The following CTNNA2 variants were observed in gnomAD, a reference collection of about 807,000 sequenced individuals.
The protein encoded by CTNNA2 is catenin alpha 2, also known as catenin alpha-2.
A neutral mutation model predicts 101.0 loss-of-function variants in CTNNA2; 42 were observed. That is an observed-to-expected ratio of 0.42 (90% confidence interval 0.32 to 0.54). CTNNA2 has a LOEUF of 0.54. Ranked by LOEUF, CTNNA2 falls within the 20% of genes least tolerant of loss-of-function variation. CTNNA2 has a pLI of 0.14. For missense variants in CTNNA2, 871 were observed against 1,223.1 expected (o/e 0.71, Z 4.29); for synonymous variants, 450 against 456.4 (o/e 0.99, Z 0.18).
intron 9 of CTNNA2, among the ~76,000 whole-genome samples, chr2:80,439,683 G>A (rs1488741527): frequency 6.6e-6 from 1 of 152,184 alleles, no homozygotes. Flanking sequence ...TTACAGGCAT[G>A]AGCCACCACG....
intron 3 of CTNNA2, among the ~76,000 whole-genome samples, chr2:79,328,238 C>T (rs761869151): frequency 1.3e-5 from 2 of 151,940 alleles, no homozygotes; most frequent in African/African-American, 2.4e-5. Context: ...AAAATGTAAG[C>T]CTGTAGGATC....
At chr2:79,319,561 T>TAA (rs66938459) in intron 3 of CTNNA2, among the ~76,000 whole-genome samples, 37,552 of 149,306 alleles carry the variant, frequency 0.25, 4,805 homozygotes, top group Middle Eastern at 0.37. Context: ...GTAATTTATT[T>TAA]AAAAAAAAAA....
chr2:79,687,421 C>T (rs1172604721), intron 2 of CTNNA2: 2 of 505,866 alleles, frequency 4.0e-6, no homozygotes, highest in Non-Finnish European at 6.9e-6. Context: ...CAGCAAAAAT[C>T]CATAAAAGGT....
At chr2:79,657,206 A>G (rs1015908572) in intron 2 of CTNNA2, among the ~76,000 whole-genome samples, 1 of 151,894 alleles carries the variant, frequency 6.6e-6, no homozygotes, top group African/African-American at 2.4e-5. Context: ...GGCACAAATT[A>G]TGGAAAATAT....
chr2:80,001,923 C>A (rs1174768505), intron 7 of CTNNA2, among the ~76,000 whole-genome samples: 1 of 152,116 alleles, frequency 6.6e-6, no homozygotes, highest in Non-Finnish European at 1.5e-5. Context: ...TTTTGCATAC[C>A]AGAGTTCTGA....
chr2:80,539,463 A>T (rs994151397), intron 9 of CTNNA2, among the ~76,000 whole-genome samples: 6 of 152,094 alleles, frequency 3.9e-5, no homozygotes, highest in Admixed American at 1.3e-4. Flanking sequence ...GTAGTGCTAA[A>T]CAGGCAATCG....
chr2:79,874,203 C>A lies in CTNNA2; in HGVS notation c.713C>A (p.Ala238Asp). ...CACCCAGATGTCGCCGCTACGAGAG[C>A]CAACCGAGATTATGTGTTCAAACAA... ...LRHPDVAATR[A>D]NRDYVFKQVQ... The change falls in exon 6 of 19, where the codon GCC becomes GAC. Residue 238 changes from alanine to aspartate, a missense_variant. Physicochemically the swap from Ala to Asp is moderately radical, Grantham distance 126. Transcript: ENST00000402739. 1 of 1,614,126 alleles carries A rather than the reference C, an allele frequency of 6.2e-7. No individual in the cohort carries two copies. Among genetic ancestry groups the A allele is most frequent in the Non-Finnish European group, 8.5e-7 (1 of 1,180,036 alleles).
intron 1 of CTNNA2, among the ~76,000 whole-genome samples, chr2:79,586,917 A>G (rs1573411949): frequency 6.6e-6 from 1 of 151,530 alleles, no homozygotes; most frequent in East Asian, 1.9e-4. Context: ...AGAACATATG[A>G]TATTTGGTTT....
intron 7 of CTNNA2, chr2:80,162,342 C>G: frequency 9.2e-7 from 1 of 1,082,254 alleles, no homozygotes; most frequent in South Asian, 2.0e-5. Flanking sequence ...AGAAATGTGA[C>G]AACTTGTAAA....
intron 7 of CTNNA2, among the ~76,000 whole-genome samples, chr2:80,157,099 A>G (rs1487461507): frequency 6.6e-6 from 1 of 152,176 alleles, no homozygotes; most frequent in Non-Finnish European, 1.5e-5. Flanking sequence ...AATAGAATGT[A>G]AACATTCTCT....
At chr2:80,245,049 C>T (rs1235913497) in intron 7 of CTNNA2, among the ~76,000 whole-genome samples, 1 of 152,184 alleles carries the variant, frequency 6.6e-6, no homozygotes, top group Non-Finnish European at 1.5e-5. Context: ...GGATTTTCCA[C>T]GCTGCTGAAC....
At chr2:79,961,724 A>G (rs1461457612) in intron 7 of CTNNA2, among the ~76,000 whole-genome samples, 1 of 148,858 alleles carries the variant, frequency 6.7e-6, no homozygotes, top group Admixed American at 6.8e-5. Flanking sequence ...CGGGAGGCTG[A>G]GGCAAGAGAA....
chr2:80,185,202 G>T (rs1467658484), intron 7 of CTNNA2, among the ~76,000 whole-genome samples: 1 of 152,194 alleles, frequency 6.6e-6, no homozygotes, highest in Non-Finnish European at 1.5e-5. Flanking sequence ...GCAGGATTTT[G>T]TCTCTTACTG....
In CTNNA2 at chr2:80,358,149, C is replaced by T. The variant is rs779606814; in HGVS notation, c.1057-35062C>T. 2.0e-4 allele frequency among the ~76,000 whole-genome samples: 31 copies of T among 151,864 alleles called. 1 individual carries two copies. Among genetic ancestry groups the T allele is most frequent in the South Asian group, 1.7e-3 (8 of 4,814 alleles). ...TACTATGAGTACCTATTCACAGGAGCGATGTGAAAATAAATTCAGTTAATG... is the reference window on the plus strand; with the variant it reads ...TACTATGAGTACCTATTCACAGGAGTGATGTGAAAATAAATTCAGTTAATG... On this transcript the variant is annotated intron_variant, in intron 7 of 18. Transcript: ENST00000402739.
At chr2:79,380,864 A>G (rs1310981109) in intron 4 of CTNNA2, among the ~76,000 whole-genome samples, 1 of 152,230 alleles carries the variant, frequency 6.6e-6, no homozygotes, top group Non-Finnish European at 1.5e-5. Context: ...ACTGCAGTCC[A>G]GTATGCCTGA....
chr2:80,040,426 A>G (rs1411988283), intron 7 of CTNNA2, among the ~76,000 whole-genome samples: 1 of 152,198 alleles, frequency 6.6e-6, no homozygotes, highest in African/African-American at 2.4e-5. Context: ...CAGCATGTTT[A>G]TGGCAGAGAC....
intron 7 of CTNNA2, among the ~76,000 whole-genome samples, chr2:79,958,180 G>T (rs1157817993): frequency 6.6e-6 from 1 of 151,956 alleles, no homozygotes; most frequent in Non-Finnish European, 1.5e-5. Flanking sequence ...CTTTTCGTTT[G>T]TCTATCAGCC....
At chr2:80,153,832 T>A (rs1169258937) in intron 7 of CTNNA2, among the ~76,000 whole-genome samples, 2 of 152,208 alleles carry the variant, frequency 1.3e-5, no homozygotes, top group Non-Finnish European at 2.9e-5. Flanking sequence ...ATTGGAGGAA[T>A]GAATAGTAGT....
intron 7 of CTNNA2, among the ~76,000 whole-genome samples, chr2:80,136,757 T>C (rs1170307320): frequency 6.6e-6 from 1 of 152,218 alleles, no homozygotes; most frequent in Non-Finnish European, 1.5e-5. Context: ...GTTGATTAAA[T>C]TGTACATTGG....
Sources: allele counts gnomAD v4.1 joint callset (sites outside exome capture counted in the v4.1 genomes callset), GRCh38; gene constraint gnomAD v4.1.1; transcripts MANE v1.5; gene names NCBI Gene and HGNC (gene_info 2026-07-23, HGNC 2026-07-21).